The following RIT2 variants were observed in gnomAD, a reference collection of about 807,000 sequenced individuals.
RIT2 encodes the protein Ras like without CAAX 2, also known as GTP-binding protein Rit2.
In RIT2, 24 loss-of-function variants were observed where a neutral mutation model predicts 23.7. The observed-to-expected ratio is 1.01, with a 90% CI of 0.73 to 1.43. The LOEUF (loss-of-function observed/expected upper bound fraction) is 1.43, where lower values mean the gene tolerates loss of function less well. Among genes scored for constraint, RIT2 ranks in the 40% most tolerant of loss-of-function variants. The pLI, the probability that RIT2 is intolerant of heterozygous loss-of-function variation, is 0.00. For missense variants in RIT2, 236 were observed against 266.9 expected (o/e 0.88, Z 0.81); for synonymous variants, 107 against 91.1 (o/e 1.17, Z -0.99).
intron 4 of RIT2, among the ~76,000 whole-genome samples, chr18:42,828,316 C>T (rs1302493963): frequency 6.6e-6 from 1 of 152,180 alleles, no homozygotes; most frequent in African/African-American, 2.4e-5. Context: ...AAATAAACCT[C>T]ATAGTTGAGT....
chr18:42,838,006 T>C (rs1045122450), intron 4 of RIT2, among the ~76,000 whole-genome samples: 3 of 152,160 alleles, frequency 2.0e-5, no homozygotes, highest in Non-Finnish European at 4.4e-5. Context: ...AAAGATGTCA[T>C]GGCAATATAA....
At chr18:43,084,230 A>G (rs1354875216) in intron 1 of RIT2, among the ~76,000 whole-genome samples, 1 of 152,214 alleles carries the variant, frequency 6.6e-6, no homozygotes, top group Non-Finnish European at 1.5e-5. Flanking sequence ...AAACCTCAAG[A>G]AACAGCAGAT....
intron 4 of RIT2, among the ~76,000 whole-genome samples, chr18:42,777,186 A>G (rs557441669): frequency 9.9e-5 from 15 of 152,200 alleles, no homozygotes; most frequent in African/African-American, 3.6e-4. Flanking sequence ...GAAATCAAAA[A>G]TTCTGCTCAG....
chr18:42,810,641 C>T lies in RIT2; in HGVS notation c.427-66921G>A, dbSNP rs184719363. ...ATCTCACTGACCTCACTATAAATAACTGCTTGCCTTTCAAAAACCCCTACC... is the reference window on the plus strand; with the variant it reads ...ATCTCACTGACCTCACTATAAATAATTGCTTGCCTTTCAAAAACCCCTACC... On this transcript the variant is annotated intron_variant, in intron 4 of 4. Transcript: ENST00000326695. Among the ~76,000 whole-genome samples, 41 of 152,056 alleles carry T rather than the reference C, an allele frequency of 2.7e-4. 2 individuals are homozygous for T. In the Middle Eastern group the frequency reaches 0.014, roughly 50 times the overall value.
intron 4 of RIT2, among the ~76,000 whole-genome samples, chr18:42,810,561 T>A (rs1251009174): frequency 6.6e-6 from 1 of 151,974 alleles, no homozygotes. Flanking sequence ...TTCAACTACC[T>A]GGAAATAGAG....
intron 3 of RIT2, among the ~76,000 whole-genome samples, chr18:42,967,617 T>G (rs1274034312): frequency 6.8e-6 from 1 of 146,758 alleles, no homozygotes; most frequent in Admixed American, 6.9e-5. Flanking sequence ...GGTCTCAATC[T>G]GCTGACCTCG....
At chr18:42,841,188 G>T (rs1051336235) in intron 4 of RIT2, among the ~76,000 whole-genome samples, 1 of 152,088 alleles carries the variant, frequency 6.6e-6, no homozygotes, top group Non-Finnish European at 1.5e-5. Flanking sequence ...CTTAAAAAAC[G>T]CAAACAGGCA....
At chr18:42,817,286 G>C (rs1906026303) in intron 4 of RIT2, among the ~76,000 whole-genome samples, 1 of 152,020 alleles carries the variant, frequency 6.6e-6, no homozygotes, top group South Asian at 2.1e-4. Flanking sequence ...TAGTTAAAAG[G>C]TTTCACAGAA....
intron 3 of RIT2, among the ~76,000 whole-genome samples, chr18:42,936,582 T>C (rs550258314): frequency 1.2e-4 from 19 of 152,328 alleles, no homozygotes; most frequent in South Asian, 4.1e-4. Flanking sequence ...TCCTGACTCC[T>C]GTTCATTCTG....
intron 4 of RIT2, among the ~76,000 whole-genome samples, chr18:42,812,152 T>G (rs1905870017): frequency 6.6e-6 from 1 of 152,172 alleles, no homozygotes; most frequent in African/African-American, 2.4e-5. Context: ...CAGGACATAA[T>G]AGTATTTTAC....
intron 4 of RIT2, among the ~76,000 whole-genome samples, chr18:42,852,398 A>C (rs1204936311): frequency 1.3e-5 from 2 of 152,212 alleles, no homozygotes; most frequent in Non-Finnish European, 2.9e-5. Flanking sequence ...GACTTAGGAT[A>C]CATAACAAAA....
chr18:43,071,006 C>CA (rs1311196842), intron 1 of RIT2, among the ~76,000 whole-genome samples: 3 of 151,936 alleles, frequency 2.0e-5, no homozygotes, highest in Non-Finnish European at 4.4e-5. Flanking sequence ...AATATAGGAA[C>CA]AAAAAAAGAA....
At chr18:43,000,919 T>A (rs1363112400) in intron 2 of RIT2, among the ~76,000 whole-genome samples, 1 of 151,996 alleles carries the variant, frequency 6.6e-6, no homozygotes, top group Admixed American at 6.6e-5. Context: ...TGAAGTGAAG[T>A]ATTTACAAAA....
At chr18:42,980,484 T>C (rs887253961) in intron 2 of RIT2, among the ~76,000 whole-genome samples, 2 of 151,988 alleles carry the variant, frequency 1.3e-5, no homozygotes, top group African/African-American at 4.8e-5. Flanking sequence ...CCACTACCAC[T>C]AGGTAGGTAA....
intron 4 of RIT2, among the ~76,000 whole-genome samples, chr18:42,880,074 G>C (rs754135471): frequency 6.6e-6 from 1 of 152,026 alleles, no homozygotes; most frequent in Non-Finnish European, 1.5e-5. Context: ...TAAGGGATCT[G>C]GTGTCCCTGC....
intron 2 of RIT2, among the ~76,000 whole-genome samples, chr18:43,017,900 T>C (rs1230300642): frequency 1.3e-5 from 2 of 152,066 alleles, no homozygotes; most frequent in African/African-American, 4.8e-5. Flanking sequence ...GTTTTGATTA[T>C]TTACAGTGAA....
intron 4 of RIT2, among the ~76,000 whole-genome samples, chr18:42,809,957 T>G (rs1442117550): frequency 6.9e-6 from 1 of 145,296 alleles, no homozygotes; most frequent in Non-Finnish European, 1.5e-5. Flanking sequence ...TATACATAAT[T>G]TGTATATGTT....
At chr18:43,031,895 CG>C (rs1568061543) in intron 2 of RIT2, among the ~76,000 whole-genome samples, 3 of 151,974 alleles carry the variant, frequency 2.0e-5, no homozygotes, top group African/African-American at 7.2e-5. Context: ...TGTACTAATA[CG>C]AATTTCCTCT....
At chr18:43,036,537 C>T (rs1239384477) in intron 1 of RIT2, among the ~76,000 whole-genome samples, 1 of 151,848 alleles carries the variant, frequency 6.6e-6, no homozygotes, top group Non-Finnish European at 1.5e-5. Context: ...CAGACTCCAT[C>T]CCCCGCTACC....
Sources: gnomAD v4.1 joint callset for allele counts (sites outside exome capture counted in the v4.1 genomes callset) on GRCh38, gnomAD v4.1.1 for gene constraint, MANE v1.5 for transcripts, NCBI Gene and HGNC (gene_info 2026-07-23, HGNC 2026-07-21) for gene names.